SERAC1: variants seen among roughly 807,000 people sequenced by gnomAD.
SERAC1 encodes protein SERAC1.
A neutral mutation model predicts 85.7 loss-of-function variants in SERAC1; 36 were observed. The ratio of observed to expected loss-of-function variants is 0.42; its 90% CI spans 0.32 to 0.55. The LOEUF is 0.55. Among genes scored for constraint, SERAC1 ranks in the 20% least tolerant of loss-of-function variants. The probability of loss-of-function intolerance (pLI) is 0.11; values close to 1 mark genes in which losing one functional copy is unlikely to be tolerated. For missense variants in SERAC1, 629 were observed against 796.2 expected (o/e 0.79, Z 2.53); for synonymous variants, 242 against 265.3 (o/e 0.91, Z 0.85).
In SERAC1 at chr6:158,110,390, C is replaced by CA. The variant is rs1554260467; in HGVS notation, c.*975dup. On this transcript the variant is annotated 3_prime_UTR_variant, in exon 17 of 17. Coordinates refer to ENST00000647468, the MANE Select transcript of SERAC1 (RefSeq NM_032861.4). ...AACAGAGTCAGACCCTGTCTCTAAA[C>CA]AAACAAAACAAAACAAAAATGAATT... The CA allele has an allele frequency of 2.6e-5, 4 of 151,810 alleles. No homozygotes were observed. The highest frequency in any genetic ancestry group is 5.9e-5 in the Non-Finnish European group (4 of 67,998). The allele number at this position is 151,810 out of a possible 1,614,324, so 9.4% of individuals were successfully genotyped here.
intron 10 of SERAC1, among the ~76,000 whole-genome samples, chr6:158,123,812 T>A (rs1784473568): frequency 6.6e-6 from 1 of 151,948 alleles, no homozygotes; most frequent in Non-Finnish European, 1.5e-5. Context: ...AGGGAGGAAG[T>A]AAAGAATAAA....
chr6:158,140,007 G>T (rs1328677324), intron 8 of SERAC1, among the ~76,000 whole-genome samples: 1 of 152,158 alleles, frequency 6.6e-6, no homozygotes, highest in African/African-American at 2.4e-5. Flanking sequence ...TACTCAAAAA[G>T]TTACTTACCA....
rs1295010213 is a variant in SERAC1, at chr6:158,110,984, T to C, written c.*382A>G. ...CATTTTAGGTACTCTCTTAATGGCATTTTTATGGTAAGTTGAGTTACCTCA... is the reference window on the plus strand; with the variant it reads ...CATTTTAGGTACTCTCTTAATGGCACTTTTATGGTAAGTTGAGTTACCTCA... On this transcript the variant is annotated 3_prime_UTR_variant, in exon 17 of 17. Coordinates refer to ENST00000647468, the MANE Select transcript of SERAC1 (RefSeq NM_032861.4). 6.4e-6 allele frequency: 1 copy of C among 156,622 alleles called. No individual in the cohort carries two copies. The highest frequency in any genetic ancestry group is 2.4e-5 in the African/African-American group (1 of 41,626). The allele number at this position is 156,622 out of a possible 1,614,324, so 9.7% of individuals were successfully genotyped here.
chr6:158,117,862 T>G lies in SERAC1; in HGVS notation c.1309-41A>C. 1 of 1,493,426 alleles carries G rather than the reference T, an allele frequency of 6.7e-7. No individual in the cohort carries two copies. 92.5% of individuals were successfully genotyped at this position (1,493,426 alleles called of 1,614,324 possible). A position where few individuals can be genotyped will look rare whatever the true frequency, so the allele number is the denominator to read the frequency against. On this transcript the variant is annotated intron_variant, in intron 12 of 16. Coordinates refer to ENST00000647468, the MANE Select transcript of SERAC1 (RefSeq NM_032861.4). The surrounding 1 kb of genome is among the most constrained non-coding windows in gnomAD (Gnocchi z 4.3). The stretch of plus-strand genomic sequence containing the variant: ...CATATGTGAGAACAAGTATGAATCT[T>G]CACCACTGCAATTACTGCCTAGTAA...
chr6:158,125,010 A>C (rs1159435083), intron 10 of SERAC1, among the ~76,000 whole-genome samples: 2 of 152,226 alleles, frequency 1.3e-5, no homozygotes, highest in Non-Finnish European at 2.9e-5. Context: ...GAGATTATAA[A>C]TATGCAAACA....
rs1170346311 is a variant in SERAC1, at chr6:158,119,279, TA to T, written c.1167-110del. ...GGTGCTTTAGCAGGCTTATGTGACA[TA>T]AAACTGAATTAAAGCAAGCTCTATA... On this transcript the variant is annotated intron_variant, in intron 11 of 16. Transcript: ENST00000647468. This position sits in a 1 kb window ranked among gnomAD's most constrained non-coding sequence, Gnocchi z 4.5. 2 of 1,304,252 alleles carry T rather than the reference TA, an allele frequency of 1.5e-6. No homozygotes were observed. The highest frequency in any genetic ancestry group is 3.0e-5 in the African/African-American group (2 of 66,942). 80.8% of individuals were successfully genotyped at this position (1,304,252 alleles called of 1,614,324 possible). A position where few individuals can be genotyped will look rare whatever the true frequency, so the allele number is the denominator to read the frequency against.
rs1554261245 is a variant in SERAC1 at position 158,116,183 on chromosome 6, A to G, written c.1501+2T>C. 1 of 1,612,710 alleles carries G rather than the reference A, an allele frequency of 6.2e-7. No homozygotes were observed. Among genetic ancestry groups the G allele is most frequent in the Non-Finnish European group, 8.5e-7 (1 of 1,178,814 alleles). ...ACTTCACAAAGTTGAAGCCACACTT[A>G]CCTCCCATGCTATGTGATATCCAAA... On this transcript the variant is annotated splice_donor_variant, in intron 14 of 16. Coordinates refer to ENST00000647468, the MANE Select transcript of SERAC1 (RefSeq NM_032861.4). LOFTEE classifies it high-confidence loss of function.
intron 8 of SERAC1, among the ~76,000 whole-genome samples, chr6:158,132,474 T>C (rs1456034333): frequency 6.6e-6 from 1 of 152,134 alleles, no homozygotes; most frequent in East Asian, 1.9e-4. Flanking sequence ...TTGGTAAGCT[T>C]TGTCGGGGGG....
At chr6:158,160,122 C>T (rs979164241) in intron 1 of SERAC1, among the ~76,000 whole-genome samples, 2 of 152,108 alleles carry the variant, frequency 1.3e-5, no homozygotes, top group African/African-American at 4.8e-5. Flanking sequence ...AACAGCCTTC[C>T]TAATTTTGTC....
At chr6:158,135,857 T>A (rs975984683) in intron 8 of SERAC1, among the ~76,000 whole-genome samples, 9 of 152,192 alleles carry the variant, frequency 5.9e-5, no homozygotes, top group African/African-American at 2.2e-4. Context: ...TCACCCAGGC[T>A]GGAGTGCAGT....
At chr6:158,121,541 C>T (rs868789628) in intron 10 of SERAC1, among the ~76,000 whole-genome samples, 8 of 152,152 alleles carry the variant, frequency 5.3e-5, no homozygotes, top group Non-Finnish European at 5.9e-5. Context: ...ACTCAATACA[C>T]GACAGCTGTC....
chr6:158,117,654 TC>T lies in SERAC1; in HGVS notation c.1403+72del. The T allele has an allele frequency of 6.2e-7, 1 of 1,609,112 alleles. No homozygotes were observed. Among genetic ancestry groups the T allele is most frequent in the Non-Finnish European group, 8.5e-7 (1 of 1,177,030 alleles). On this transcript the variant is annotated intron_variant, in intron 13 of 16. Coordinates refer to ENST00000647468, the MANE Select transcript of SERAC1 (RefSeq NM_032861.4). This position sits in a 1 kb window ranked among gnomAD's most constrained non-coding sequence, Gnocchi z 4.3. ...GTGGCATCAAAAAATTAAAATCACT[TC>T]CCATCCAAGAGGACCTAAACTTGCG...
At chr6:158,158,421 G>T in intron 1 of SERAC1, 57 bp from the exon 2 acceptor site, 1 of 1,300,346 alleles carries the variant, frequency 7.7e-7, no homozygotes, top group Non-Finnish European at 1.1e-6. Context: ...CAAAACACTT[G>T]TTTTAACTAC....
chr6:158,130,222 A>G, intron 9 of SERAC1, 151 bp downstream of exon 9: 1 of 468,718 alleles, frequency 2.1e-6, no homozygotes. Context: ...TTATTCTAAC[A>G]ATTAAAATTG....
At chr6:158,114,235 A>G (rs1784218614) in intron 15 of SERAC1, among the ~76,000 whole-genome samples, 1 of 152,226 alleles carries the variant, frequency 6.6e-6, no homozygotes. Context: ...ATCTGACTCC[A>G]CGAAAGGAAA....
chr6:158,156,899 G>GATATTAATATATTTATATAA (rs1389651267), intron 2 of SERAC1, among the ~76,000 whole-genome samples: 4 of 88,196 alleles, frequency 4.5e-5, no homozygotes, highest in African/African-American at 9.2e-5. Flanking sequence ...TATTTATATA[G>GATATTAATATATTTATATAA]ATATTAATAT....
chr6:158,133,374 GTTAAT>G (rs1447698025), intron 8 of SERAC1, among the ~76,000 whole-genome samples: 3 of 138,490 alleles, frequency 2.2e-5, no homozygotes, highest in African/African-American at 8.1e-5. Context: ...AATCTCTGGT[GTTAAT>G]TTTTTTTTTT....
chr6:158,144,051 T>C (rs1203681719), intron 7 of SERAC1, among the ~76,000 whole-genome samples: 1 of 152,204 alleles, frequency 6.6e-6, no homozygotes, highest in African/African-American at 2.4e-5. Context: ...TGATATGCTA[T>C]GGCATGTCAC....
At position 158,111,479 on chromosome 6, in the gene SERAC1, G is replaced by T. The variant is rs1449720095; in HGVS notation, c.1852C>A (p.Pro618Thr). The T allele has an allele frequency of 6.3e-7, 1 of 1,599,564 alleles. No individual in the cohort carries two copies. Among genetic ancestry groups the T allele is most frequent in the Non-Finnish European group, 8.5e-7 (1 of 1,175,472 alleles). ...SADLGIGDLI[P>T]VDVNHLNICK... ...ATGTTCAAATGGTTAACATCCACAG[G>T]AATTAGATCTCCAATGCCTAAATCT... is the stretch of plus-strand genomic sequence containing the variant. The change falls in exon 17 of 17, where the codon CCT (proline) becomes ACT (threonine). Residue 618 changes from proline (P) to threonine (T), a missense_variant. By Grantham distance (38) the Pro-to-Thr change is conservative (BLOSUM62 -1). Transcript: ENST00000647468.
Sources: gnomAD v4.1 joint callset for allele counts (sites outside exome capture counted in the v4.1 genomes callset) on GRCh38, gnomAD v4.1.1 for gene constraint, Gnocchi (gnomAD v3.1) non-coding constraint, MANE v1.5 for transcripts, NCBI Gene and HGNC (gene_info 2026-07-23, HGNC 2026-07-21) for gene names.